The following CCSER1 variants were observed in gnomAD, a reference collection of about 807,000 sequenced individuals.
CCSER1 encodes the protein coiled-coil serine rich protein 1.
In CCSER1, 41 loss-of-function variants were observed where a neutral mutation model predicts 82.0. The observed-to-expected ratio is 0.50, with a 90% CI of 0.39 to 0.65. CCSER1 has a LOEUF of 0.65. Among genes scored for constraint, CCSER1 ranks in the 30% least tolerant of loss-of-function variants. The pLI is 0.00. For synonymous variants in CCSER1, 414 were observed against 383.9 expected (o/e 1.08, Z -0.92); for missense variants, 1,119 against 1,064.2 (o/e 1.05, Z -0.72).
chr4:91,095,489 A>G (rs898914206), intron 10 of CCSER1, among the ~76,000 whole-genome samples: 5 of 151,754 alleles, frequency 3.3e-5, no homozygotes, highest in African/African-American at 1.2e-4. Flanking sequence ...TTACATCTCT[A>G]TTTACAAATA....
chr4:91,420,541 C>A (rs1753630224), intron 10 of CCSER1, among the ~76,000 whole-genome samples: 1 of 151,882 alleles, frequency 6.6e-6, no homozygotes, highest in African/African-American at 2.4e-5. Flanking sequence ...CAGGAGATAA[C>A]AATTGTTGGC....
chr4:90,810,964 C>T (rs1758206572), intron 7 of CCSER1, among the ~76,000 whole-genome samples: 1 of 150,824 alleles, frequency 6.6e-6, no homozygotes, highest in Non-Finnish European at 1.5e-5. Context: ...TCCTGAGTAG[C>T]TGGGACTACA....
At chr4:90,153,093 T>A (rs1477875763) in intron 1 of CCSER1, among the ~76,000 whole-genome samples, 1 of 137,542 alleles carries the variant, frequency 7.3e-6, no homozygotes, top group Non-Finnish European at 1.5e-5. Context: ...CGTCCATGTG[T>A]TCTCATTGTT....
chr4:90,777,906 A>G (rs1753153104), intron 7 of CCSER1, among the ~76,000 whole-genome samples: 1 of 152,114 alleles, frequency 6.6e-6, no homozygotes, highest in African/African-American at 2.4e-5. Flanking sequence ...CAAGTTCCTA[A>G]CTCAGGGCAA....
chr4:91,206,487 A>G (rs1476021021), intron 10 of CCSER1, among the ~76,000 whole-genome samples: 1 of 151,972 alleles, frequency 6.6e-6, no homozygotes, highest in Non-Finnish European at 1.5e-5. Context: ...CTTGGCCAGT[A>G]TAGAGATATT....
intron 3 of CCSER1, among the ~76,000 whole-genome samples, chr4:90,347,782 C>G (rs1455805417): frequency 6.6e-6 from 1 of 151,874 alleles, no homozygotes; most frequent in Non-Finnish European, 1.5e-5. Context: ...TAGAAGAAAA[C>G]TAGAAAATAG....
At chr4:91,308,770 T>A (rs187785764) in intron 10 of CCSER1, among the ~76,000 whole-genome samples, 3 of 151,996 alleles carry the variant, frequency 2.0e-5, no homozygotes, top group Non-Finnish European at 4.4e-5. Context: ...TCAACAGTAA[T>A]GTATTGCCAA....
intron 5 of CCSER1, among the ~76,000 whole-genome samples, chr4:90,599,987 G>A (rs1463463864): frequency 6.6e-6 from 1 of 152,062 alleles, no homozygotes; most frequent in Non-Finnish European, 1.5e-5. Context: ...TTGTTGTCTG[G>A]CACTTTTCAC....
intron 10 of CCSER1, among the ~76,000 whole-genome samples, chr4:91,197,975 AATTCTT>A (rs1309112585): frequency 6.6e-6 from 1 of 152,146 alleles, no homozygotes. Context: ...ATGAGTGAAT[AATTCTT>A]AAAAATGGAC....
rs999198344 is a variant in CCSER1, at chr4:91,600,951, ATT to A, written c.*1896_*1897del. On this transcript the variant is annotated 3_prime_UTR_variant, in exon 11 of 11. Coordinates refer to ENST00000509176, the MANE Select transcript of CCSER1 (RefSeq NM_001145065.2). ...AGATATACACTTTGGGCTGGGCAAT[ATT>A]TAAGAAATGATAGGAAAATAGAAAA... 5 of 152,148 alleles carry A rather than the reference ATT, an allele frequency of 3.3e-5. No homozygotes were observed. Among genetic ancestry groups the A allele is most frequent in the African/African-American group, 1.2e-4 (5 of 41,448 alleles). 9.4% of individuals were successfully genotyped at this position (152,148 alleles called of 1,614,324 possible). A position where few individuals can be genotyped will look rare whatever the true frequency, so the allele number is the denominator to read the frequency against.
chr4:90,406,520 A>G (rs985055413), intron 4 of CCSER1, among the ~76,000 whole-genome samples: 1 of 152,238 alleles, frequency 6.6e-6, no homozygotes, highest in Admixed American at 6.5e-5. Flanking sequence ...CTTAACAGAT[A>G]TTTACAGAAC....
chr4:90,910,892 G>A (rs1173108662), intron 8 of CCSER1, among the ~76,000 whole-genome samples: 1 of 152,114 alleles, frequency 6.6e-6, no homozygotes, highest in African/African-American at 2.4e-5. Context: ...ACACTTGTGG[G>A]TCCCAGGCCA....
At chr4:90,454,033 G>A (rs892547227) in intron 4 of CCSER1, among the ~76,000 whole-genome samples, 3 of 152,142 alleles carry the variant, frequency 2.0e-5, no homozygotes, top group African/African-American at 4.8e-5. Flanking sequence ...TGTCTCTGGG[G>A]ATAGTCTTCC....
chr4:91,033,821 T>G (rs1741197328), intron 9 of CCSER1, among the ~76,000 whole-genome samples: 1 of 152,180 alleles, frequency 6.6e-6, no homozygotes, highest in Non-Finnish European at 1.5e-5. Flanking sequence ...TACTTGTAAC[T>G]CAAAAGTGCT....
At chr4:90,807,712 A>G (rs1757705486) in intron 7 of CCSER1, among the ~76,000 whole-genome samples, 1 of 152,058 alleles carries the variant, frequency 6.6e-6, no homozygotes, top group African/African-American at 2.4e-5. Flanking sequence ...TGTAAGGACT[A>G]TAAAACACTG....
intron 4 of CCSER1, among the ~76,000 whole-genome samples, chr4:90,412,410 A>G (rs1476594241): frequency 6.6e-6 from 1 of 151,924 alleles, no homozygotes; most frequent in Non-Finnish European, 1.5e-5. Flanking sequence ...GCACAGGTAT[A>G]CATATGTAAC....
chr4:90,490,474 C>T (rs1767814831), intron 5 of CCSER1, among the ~76,000 whole-genome samples: 1 of 152,088 alleles, frequency 6.6e-6, no homozygotes, highest in African/African-American at 2.4e-5. Flanking sequence ...CTGTAGGTTG[C>T]CTGTTCATTC....
At chr4:91,278,234 T>C (rs936817255) in intron 10 of CCSER1, among the ~76,000 whole-genome samples, 2 of 152,142 alleles carry the variant, frequency 1.3e-5, no homozygotes, top group African/African-American at 4.8e-5. Flanking sequence ...CTTTGTTGAT[T>C]TTCTGTGTAG....
At chr4:90,415,446 T>A (rs536565698) in intron 4 of CCSER1, among the ~76,000 whole-genome samples, 1 of 152,314 alleles carries the variant, frequency 6.6e-6, no homozygotes, top group East Asian at 1.9e-4. Context: ...ATATGGAAAT[T>A]AGGTAAAGTA....
Sources: gnomAD v4.1 joint callset for allele counts (sites outside exome capture counted in the v4.1 genomes callset) on GRCh38, gnomAD v4.1.1 for gene constraint, MANE v1.5 for transcripts, NCBI Gene and HGNC (gene_info 2026-07-23, HGNC 2026-07-21) for gene names.